ZNF568: variants seen among roughly 807,000 people sequenced by gnomAD.
ZNF568 encodes the protein p53 inhibitor of SCO2 activation.
ZNF568 carries 11 observed loss-of-function variants against 18.1 expected under a neutral mutation model. The ratio of observed to expected loss-of-function variants is 0.61; its 90% CI spans 0.38 to 1.00. The LOEUF (loss-of-function observed/expected upper bound fraction) is 1.00, where lower values mean the gene tolerates loss of function less well. Among genes scored for constraint, ZNF568 ranks in the 50% least tolerant of loss-of-function variants. ZNF568 has a pLI of 0.01. For missense variants in ZNF568, 639 were observed against 768.2 expected (o/e 0.83, Z 1.99); for synonymous variants, 213 against 246.6 (o/e 0.86, Z 1.28).
intron 2 of ZNF568, among the ~76,000 whole-genome samples, chr19:36,986,310 T>G (rs2074376362): frequency 6.6e-6 from 1 of 152,102 alleles, no homozygotes; most frequent in Non-Finnish European, 1.5e-5. Flanking sequence ...ATGGAATTAA[T>G]TAGACCCCCC....
In ZNF568 at chr19:36,950,504, TG is replaced by T; in HGVS notation, c.1352del (p.Cys451LeufsTer127). 1.2e-6 allele frequency: 2 copies of T among 1,613,912 alleles called. No individual in the cohort carries two copies. Among genetic ancestry groups the T allele is most frequent in the Non-Finnish European group, 1.7e-6 (2 of 1,179,968 alleles). On this transcript the variant is annotated frameshift_variant, in exon 7 of 7. Coordinates refer to ENST00000333987, the MANE Select transcript of ZNF568 (RefSeq NM_198539.4). LOFTEE classifies it low-confidence loss of function (END_TRUNC). ...TGAGAAACCCTATGAATGTAAGGAA[TG>T]TGGAAAAGCCTTCAGCAGGAAAGAA... ...TAEKPYECKE[C>X]GKAFSRKENL...
chr19:36,939,781 C>T (rs760513826), intron 6 of ZNF568, among the ~76,000 whole-genome samples: 7 of 151,992 alleles, frequency 4.6e-5, no homozygotes, highest in Non-Finnish European at 7.4e-5. Flanking sequence ...CCTCGTGATC[C>T]GCCCACCTCG....
At chr19:36,970,634 G>A (rs2146330877) in intron 6 of ZNF568, among the ~76,000 whole-genome samples, 1 of 152,158 alleles carries the variant, frequency 6.6e-6, no homozygotes, top group African/African-American at 2.4e-5. Context: ...ACCATGCCCG[G>A]CCATGTCTTT....
chr19:36,927,887 T>TTGTA (rs1555730363), intron 4 of ZNF568, among the ~76,000 whole-genome samples: 7 of 39,068 alleles, frequency 1.8e-4, no homozygotes, highest in Non-Finnish European at 2.3e-4. Flanking sequence ...TATATATATA[T>TTGTA]TATATATATA....
chr19:36,954,680 T>C (rs533077723), downstream of ZNF568, among the ~76,000 whole-genome samples: 2 of 151,952 alleles, frequency 1.3e-5, no homozygotes, highest in African/African-American at 4.8e-5. Flanking sequence ...GTGATTCTCC[T>C]GCCTTAGCCT....
chr19:36,946,608 A>G (rs1206312941), intron 6 of ZNF568, among the ~76,000 whole-genome samples: 1 of 151,622 alleles, frequency 6.6e-6, no homozygotes, highest in Non-Finnish European at 1.5e-5. Flanking sequence ...TCTAAATTTT[A>G]AAGAGGATAA....
intron 2 of ZNF568, among the ~76,000 whole-genome samples, chr19:36,920,420 A>G (rs2073433465): frequency 6.6e-6 from 1 of 151,940 alleles, no homozygotes; most frequent in African/African-American, 2.4e-5. Flanking sequence ...GTCAAGAGTT[A>G]GAGACCAGGC....
chr19:36,992,349 A>G (rs2074433003), intron 4 of ZNF568, among the ~76,000 whole-genome samples: 1 of 151,914 alleles, frequency 6.6e-6, no homozygotes, highest in Admixed American at 6.6e-5. Flanking sequence ...TAAAAATACA[A>G]AAATTAGCTG....
At chr19:36,949,018 T>C (rs2074013447) in intron 6 of ZNF568, among the ~76,000 whole-genome samples, 1 of 152,170 alleles carries the variant, frequency 6.6e-6, no homozygotes, top group African/African-American at 2.4e-5. Flanking sequence ...CAGTATTATG[T>C]TAAAATCTCT....
downstream of ZNF568, chr19:36,997,759 A>C: frequency 1.6e-6 from 1 of 623,628 alleles, no homozygotes; most frequent in Non-Finnish European, 2.7e-6. Flanking sequence ...GACATGAGAA[A>C]GTTCATACTG....
chr19:36,981,551 A>G (rs1299719761), downstream of ZNF568, among the ~76,000 whole-genome samples: 1 of 151,950 alleles, frequency 6.6e-6, no homozygotes, highest in East Asian at 1.9e-4. Context: ...AGGTATTTTT[A>G]TATTTTGTGT....
chr19:36,949,674 G>T lies in ZNF568; in HGVS notation c.521G>T (p.Ser174Ile). 6.2e-7 allele frequency: 1 copy of T among 1,613,784 alleles called. No homozygotes were observed. Among genetic ancestry groups the T allele is most frequent in the Non-Finnish European group, 8.5e-7 (1 of 1,179,844 alleles). The change falls in exon 7 of 7, where the codon AGC (serine) becomes ATC (isoleucine). Residue 174 changes from serine (S) to isoleucine (I), a missense_variant. Ser to Ile is a moderately radical substitution (Grantham distance 142). Transcript: ENST00000333987. ...LSSDIVTSRQSFYDCDSLDKG... is the reference protein window; with the variant it reads ...LSSDIVTSRQIFYDCDSLDKG... ...TCAGACATTGTTACTTCAAGACAAA[G>T]CTTCTATGACTGTGACTCACTTGAT... is the stretch of plus-strand genomic sequence containing the variant.
rs2146310851 is a variant in ZNF568 at position 36,949,806 on chromosome 19, T to C, written c.653T>C (p.Val218Ala). 1 of 1,613,948 alleles carries C rather than the reference T, an allele frequency of 6.2e-7. No homozygotes were observed. Among genetic ancestry groups the C allele is most frequent in the Middle Eastern group, 1.7e-4 (1 of 6,056 alleles). ...CCATTTTACCATTGTGCATCCTATG[T>C]TGTAACCCCCTTTAAGTGTAATCAG... is the stretch of plus-strand genomic sequence containing the variant. ...GKPFYHCASY[V>A]VTPFKCNQCG... The change falls in exon 7 of 7, where the codon GTT (valine) becomes GCT (alanine). Residue 218 changes from valine (V) to alanine (A), a missense_variant. Val to Ala is a moderately conservative substitution (Grantham distance 64, BLOSUM62 0). Coordinates refer to ENST00000333987, the MANE Select transcript of ZNF568 (RefSeq NM_198539.4).
intron 2 of ZNF568, among the ~76,000 whole-genome samples, chr19:36,919,977 C>A (rs2073424232): frequency 6.6e-6 from 1 of 151,962 alleles, no homozygotes; most frequent in South Asian, 2.1e-4. Context: ...GGAGCATATG[C>A]CTATTTATTT....
chr19:36,991,373 CT>C, intron 3 of ZNF568: 2 of 1,435,466 alleles, frequency 1.4e-6, no homozygotes, highest in Admixed American at 5.5e-5. Flanking sequence ...TTCTTATGTT[CT>C]TTTTTCTGAG....
chr19:36,967,672 C>T (rs2146328262), intron 6 of ZNF568, among the ~76,000 whole-genome samples: 1 of 152,278 alleles, frequency 6.6e-6, no homozygotes, highest in East Asian at 1.9e-4. Flanking sequence ...GCTTAAAAAG[C>T]TTCTCATCCA....
intron 6 of ZNF568, among the ~76,000 whole-genome samples, chr19:36,974,077 C>CA (rs2074260388): frequency 1.3e-5 from 2 of 152,134 alleles, no homozygotes; most frequent in Non-Finnish European, 2.9e-5. Context: ...AAGGTGCCCC[C>CA]AGCCTAAAGG....
intron 6 of ZNF568, among the ~76,000 whole-genome samples, chr19:36,948,658 A>ATTTTTTTTT (rs4069585): frequency 0.012 from 1,028 of 83,412 alleles, 42 homozygotes; most frequent in African/African-American, 0.021. Context: ...TTTGTTGTTG[A>ATTTTTTTTT]TTTTTTTTTT....
At position 36,951,651 on chromosome 19, in the gene ZNF568, A is replaced by T. The variant is rs2074060761; in HGVS notation, c.*563A>T. 6.6e-6 allele frequency: 1 copy of T among 150,714 alleles called. No homozygotes were observed. Among genetic ancestry groups the T allele is most frequent in the Admixed American group, 6.6e-5 (1 of 15,078 alleles). The allele number at this position is 150,714 out of a possible 1,614,324, so 9.3% of individuals were successfully genotyped here. A position where few individuals can be genotyped will look rare whatever the true frequency, so the allele number is the denominator to read the frequency against. ...GAAAATAAAATTACAACATTACGACATACTAAAAAATCAATATTCTTTTTT... is the reference window on the plus strand; with the variant it reads ...GAAAATAAAATTACAACATTACGACTTACTAAAAAATCAATATTCTTTTTT... On this transcript the variant is annotated 3_prime_UTR_variant, in exon 7 of 7. Transcript: ENST00000333987.
Sources: gnomAD v4.1 joint callset for allele counts (sites outside exome capture counted in the v4.1 genomes callset) on GRCh38, gnomAD v4.1.1 for gene constraint, MANE v1.5 for transcripts, NCBI Gene and HGNC (gene_info 2026-07-23, HGNC 2026-07-21) for gene names.